Variants in HDAC4 observed in about 807,000 individuals in gnomAD.
The protein encoded by HDAC4 is histone deacetylase A.
In HDAC4, 16 loss-of-function variants were observed where a neutral mutation model predicts 135.1. The ratio of observed to expected loss-of-function variants is 0.12; its 90% CI spans 0.08 to 0.18. The LOEUF (loss-of-function observed/expected upper bound fraction) is 0.18. Ranked by LOEUF, HDAC4 falls within the 10% of genes least tolerant of loss-of-function variation. The pLI is 1.00. For missense variants in HDAC4, 1,143 were observed against 1,511.8 expected (o/e 0.76, Z 4.05); for synonymous variants, 685 against 653.4 (o/e 1.05, Z -0.74).
In HDAC4 at chr2:239,111,689, C is replaced by T. The variant is rs2038684737; in HGVS notation, c.1815G>A (p.Gln605=). The T allele has an allele frequency of 1.2e-6, 2 of 1,602,170 alleles. No homozygotes were observed. Among genetic ancestry groups the T allele is most frequent in the Non-Finnish European group, 1.7e-6 (2 of 1,174,994 alleles). Residue 605 remains glutamine (Q), a synonymous_variant, in exon 14 of 27, where the codon CAG becomes CAA. Coordinates refer to ENST00000543185, the MANE Select transcript of HDAC4 (RefSeq NM_001378414.1). ...GGTAGTTCCTCAGCTGGTGGATCCG[C>T]TGCTGCTCCAGCAGGAGGGCTTGCT... is the stretch of plus-strand genomic sequence containing the variant. ...FRQQALLLEQ[Q]RIHQLRNYQA...
intron 24 of HDAC4, among the ~76,000 whole-genome samples, chr2:239,058,514 A>C (rs569666150): frequency 6.6e-6 from 1 of 152,324 alleles, no homozygotes; most frequent in Admixed American, 6.5e-5. Flanking sequence ...CTTCAGGGGA[A>C]GGCTAAAAGT....
intron 2 of HDAC4, among the ~76,000 whole-genome samples, chr2:239,333,715 TG>T (rs1346555800): frequency 2.0e-5 from 3 of 152,158 alleles, no homozygotes; most frequent in Admixed American, 2.0e-4. Context: ...TTTTTGTAGA[TG>T]GAAAAAGATC....
chr2:239,326,575 T>G (rs1374779752), intron 2 of HDAC4, among the ~76,000 whole-genome samples: 1 of 152,136 alleles, frequency 6.6e-6, no homozygotes, highest in Non-Finnish European at 1.5e-5. Context: ...AATATACATG[T>G]TGGTAGACAG....
chr2:239,304,506 C>T (rs1055446369), intron 2 of HDAC4, among the ~76,000 whole-genome samples: 4 of 152,176 alleles, frequency 2.6e-5, no homozygotes, highest in Non-Finnish European at 4.4e-5. Flanking sequence ...AGACATGAAA[C>T]GTCCTGAAAG....
intron 18 of HDAC4, among the ~76,000 whole-genome samples, chr2:239,089,102 C>T (rs148551586): frequency 2.0e-5 from 3 of 152,172 alleles, no homozygotes; most frequent in African/African-American, 7.2e-5. Context: ...TTTCAAGACA[C>T]TACCACTTGC....
At chr2:239,212,691 T>C (rs1453550499) in intron 3 of HDAC4, among the ~76,000 whole-genome samples, 1 of 152,158 alleles carries the variant, frequency 6.6e-6, no homozygotes, top group Non-Finnish European at 1.5e-5. Context: ...CAGTGAGAGC[T>C]GACATGCCAA....
chr2:239,394,570 A>G (rs1446534241), intron 1 of HDAC4, among the ~76,000 whole-genome samples: 1 of 152,238 alleles, frequency 6.6e-6, no homozygotes, highest in Non-Finnish European at 1.5e-5. Flanking sequence ...TCCTTTCTGC[A>G]TCACAGAATT....
At chr2:239,368,784 T>C (rs1230927469) in intron 1 of HDAC4, among the ~76,000 whole-genome samples, 1 of 152,090 alleles carries the variant, frequency 6.6e-6, no homozygotes, top group African/African-American at 2.4e-5. Flanking sequence ...CTCCTAAGTG[T>C]TGCGTTCTTT....
chr2:239,399,162 G>A (rs1051913305), intron 1 of HDAC4, among the ~76,000 whole-genome samples: 5 of 152,112 alleles, frequency 3.3e-5, no homozygotes, highest in Non-Finnish European at 5.9e-5. Context: ...ATTGAACACA[G>A]ATTTTAGAAT....
chr2:239,101,109 G>C (rs570930103), intron 16 of HDAC4, among the ~76,000 whole-genome samples: 6 of 152,232 alleles, frequency 3.9e-5, no homozygotes, highest in African/African-American at 1.4e-4. Flanking sequence ...GATCCACCTC[G>C]TGAACCTGCT....
intron 2 of HDAC4, among the ~76,000 whole-genome samples, chr2:239,283,500 G>A (rs529876439): frequency 1.1e-4 from 17 of 152,328 alleles, no homozygotes; most frequent in East Asian, 3.9e-4. Context: ...CGCCACTGCC[G>A]GCAGAGGCTA....
At chr2:239,246,927 C>T (rs182884294) in intron 2 of HDAC4, among the ~76,000 whole-genome samples, 4 of 152,350 alleles carry the variant, frequency 2.6e-5, no homozygotes, top group South Asian at 2.1e-4. Flanking sequence ...TGGGAGCGTG[C>T]GAGGAGGATC....
Position 239,352,931 on chromosome 2 carries a change from A to G in HDAC4, c.-219-13T>C. ...TCTGCAGATGAACCTGCAAGGTCAG[A>G]AGGAGAAAAGAGACTGGAGTTACAA... On this transcript the variant is annotated splice_polypyrimidine_tract_variant and intron_variant, in intron 1 of 26. Coordinates refer to ENST00000543185, the MANE Select transcript of HDAC4 (RefSeq NM_001378414.1). The surrounding 1 kb of genome is among the most constrained non-coding windows in gnomAD (Gnocchi z 4.4). The G allele has an allele frequency of 1.8e-6, 1 of 566,332 alleles. No homozygotes were observed. Among genetic ancestry groups the G allele is most frequent in the Non-Finnish European group, 3.2e-6 (1 of 315,890 alleles). 35.1% of individuals were successfully genotyped at this position (566,332 alleles called of 1,614,324 possible).
chr2:239,161,649 C>G (rs1278665440), intron 6 of HDAC4: 1 of 234,668 alleles, frequency 4.3e-6, no homozygotes, highest in East Asian at 1.2e-4. Context: ...CCTTCCCCCT[C>G]CAGCCTGAAG....
intron 1 of HDAC4, among the ~76,000 whole-genome samples, chr2:239,384,701 T>C (rs1387802359): frequency 6.6e-6 from 1 of 151,768 alleles, no homozygotes; most frequent in Non-Finnish European, 1.5e-5. Flanking sequence ...GCGGCAACAA[T>C]GAGTCTGCTT....
At chr2:239,142,347 G>A (rs151127331) in intron 8 of HDAC4, among the ~76,000 whole-genome samples, 14 of 152,204 alleles carry the variant, frequency 9.2e-5, no homozygotes, top group South Asian at 8.3e-4. Context: ...GGACCACCCC[G>A]CCTAGAACTC....
intron 2 of HDAC4, among the ~76,000 whole-genome samples, chr2:239,276,946 C>G (rs898442046): frequency 2.0e-5 from 3 of 152,180 alleles, no homozygotes; most frequent in Non-Finnish European, 2.9e-5. Context: ...CCCCTCTAGC[C>G]CTTGGGGAAC....
Position 239,260,431 on chromosome 2 carries a change from A to G in HDAC4, c.23-23767T>C, listed in dbSNP as rs2049289953. 2.0e-5 allele frequency among the ~76,000 whole-genome samples: 3 copies of G among 152,192 alleles called. No individual in the cohort carries two copies. The South Asian group carries it at 6.2e-4, about 32-fold the overall frequency. ...TACGAGTATTAACTAAGTGGTACAA[A>G]TAACGGGTCTGGAGCAGGGTCTGTT... On this transcript the variant is annotated intron_variant, in intron 2 of 26. Coordinates refer to ENST00000543185, the MANE Select transcript of HDAC4 (RefSeq NM_001378414.1).
chr2:239,163,061 A>G (rs1446046757), intron 6 of HDAC4, among the ~76,000 whole-genome samples: 1 of 146,074 alleles, frequency 6.8e-6, no homozygotes, highest in African/African-American at 2.6e-5. Context: ...TCACCTCGCC[A>G]CTCGCTCGCA....
Sources: allele counts gnomAD v4.1 joint callset (sites outside exome capture counted in the v4.1 genomes callset), GRCh38; gene constraint gnomAD v4.1.1; non-coding constraint Gnocchi (gnomAD v3.1); transcripts MANE v1.5; gene names NCBI Gene and HGNC (gene_info 2026-07-23, HGNC 2026-07-21).